The following CCDC12 variants were observed in gnomAD, a reference collection of about 807,000 sequenced individuals.
CCDC12 encodes coiled-coil domain-containing protein 12.
A neutral mutation model predicts 25.7 loss-of-function variants in CCDC12; 28 were observed. That is an observed-to-expected ratio of 1.09 (90% confidence interval 0.81 to 1.50). CCDC12 has a LOEUF of 1.50. Among genes scored for constraint, CCDC12 ranks in the 40% most tolerant of loss-of-function variants. The pLI, the probability that CCDC12 is intolerant of heterozygous loss-of-function variation, is 0.00. For synonymous variants in CCDC12, 75 were observed against 87.7 expected, an observed-to-expected ratio of 0.86 and a Z score of 0.81; for missense variants, 198 against 210.0, an observed-to-expected ratio of 0.94 and a Z score of 0.35.
At chr3:46,922,512 G>A (rs909975846) in intron 5 of CCDC12, 200 bp from the exon 6 acceptor site, 16 of 616,692 alleles carry the variant, frequency 2.6e-5, no homozygotes, top group Middle Eastern at 8.6e-4. Flanking sequence ...TCCCACTGAG[G>A]CAGGGGGACT....
At chr3:46,933,587 G>A (rs1468864606) in intron 2 of CCDC12, among the ~76,000 whole-genome samples, 1 of 152,092 alleles carries the variant, frequency 6.6e-6, no homozygotes, top group African/African-American at 2.4e-5. Flanking sequence ...CATCCCAGAC[G>A]CTGCAGAACC....
chr3:46,948,324 G>A (rs2033984201), intron 1 of CCDC12, among the ~76,000 whole-genome samples: 1 of 152,242 alleles, frequency 6.6e-6, no homozygotes, highest in Non-Finnish European at 1.5e-5. Flanking sequence ...CTTCTGAGCA[G>A]AGCAAGAACA....
intron 2 of CCDC12, among the ~76,000 whole-genome samples, chr3:46,937,079 G>C (rs1473456801): frequency 6.6e-6 from 1 of 152,184 alleles, no homozygotes; most frequent in Non-Finnish European, 1.5e-5. Context: ...CATCCAGGTT[G>C]GGCCCTTGGT....
chr3:46,936,692 GT>G (rs1189719480), intron 2 of CCDC12, among the ~76,000 whole-genome samples: 1 of 151,956 alleles, frequency 6.6e-6, no homozygotes, highest in Non-Finnish European at 1.5e-5. Context: ...TTCTCAACAT[GT>G]GTTCTTCCCC....
intron 1 of CCDC12, among the ~76,000 whole-genome samples, chr3:46,962,415 CA>C: frequency 1.7e-5 from 1 of 59,442 alleles, no homozygotes; most frequent in South Asian, 5.3e-4. Context: ...GCCTGGGTAA[CA>C]AGAGCAAAAC....
chr3:46,921,766 AT>A lies in CCDC12; in HGVS notation c.*290del, dbSNP rs996381057. The A allele has an allele frequency of 8.9e-4, 359 of 402,160 alleles. No homozygotes were observed. Among genetic ancestry groups the A allele is most frequent in the Non-Finnish European group, 1.1e-3 (250 of 223,800 alleles). 24.9% of individuals were successfully genotyped at this position (402,160 alleles called of 1,614,324 possible). A position where few individuals can be genotyped will look rare whatever the true frequency, so the allele number is the denominator to read the frequency against. On this transcript the variant is annotated 3_prime_UTR_variant, in exon 7 of 7. Coordinates refer to ENST00000683445, the MANE Select transcript of CCDC12 (RefSeq NM_001277074.2). ...GGGGTTTACTTGTTTCTATTTCCAG[AT>A]TTTTTTTTAGAAAGTTCAAAATATA...
intron 2 of CCDC12, among the ~76,000 whole-genome samples, chr3:46,938,444 C>T (rs1339631256): frequency 2.0e-5 from 3 of 151,060 alleles, no homozygotes; most frequent in Non-Finnish European, 4.4e-5. Context: ...AATAACCTAA[C>T]ACATATACTC....
chr3:46,969,956 G>C, intron 1 of CCDC12, among the ~76,000 whole-genome samples: 1 of 147,296 alleles, frequency 6.8e-6, no homozygotes, highest in Admixed American at 6.9e-5. Context: ...GGGCTGGGGT[G>C]CAGTGACGTG....
intron 1 of CCDC12, among the ~76,000 whole-genome samples, chr3:46,951,798 A>AAAAAAAAAAAAAAAAAAATATAT: frequency 8.3e-4 from 7 of 8,466 alleles, no homozygotes; most frequent in South Asian, 0.019. Context: ...AAAAAAAAAA[A>AAAAAAAAAAAAAAAAAAATATAT]ATATATATAT....
chr3:46,925,765 G>T (rs532963236), intron 2 of CCDC12, among the ~76,000 whole-genome samples: 1 of 152,244 alleles, frequency 6.6e-6, no homozygotes, highest in Non-Finnish European at 1.5e-5. Context: ...TGTCTACTCT[G>T]TTGGAGTACG....
chr3:46,961,758 G>GCTA (rs1445076972), intron 1 of CCDC12, among the ~76,000 whole-genome samples: 4 of 152,004 alleles, frequency 2.6e-5, no homozygotes, highest in East Asian at 1.9e-4. Flanking sequence ...AGCTACCACT[G>GCTA]CTACTACTAC....
At chr3:46,965,083 G>T (rs2034600693) in intron 1 of CCDC12, among the ~76,000 whole-genome samples, 1 of 152,280 alleles carries the variant, frequency 6.6e-6, no homozygotes, top group African/African-American at 2.4e-5. Context: ...CCAGAAGACA[G>T]CTACTTGGAC....
chr3:46,965,045 A>T (rs150257488), intron 1 of CCDC12, among the ~76,000 whole-genome samples: 1 of 152,282 alleles, frequency 6.6e-6, no homozygotes, highest in East Asian at 1.9e-4. Flanking sequence ...AGTCCTCCAA[A>T]GAGAAGATTA....
intron 1 of CCDC12, among the ~76,000 whole-genome samples, chr3:46,962,020 T>C (rs1480786510): frequency 6.6e-6 from 1 of 152,166 alleles, no homozygotes; most frequent in African/African-American, 2.4e-5. Flanking sequence ...TTCTAGATTA[T>C]AACATAAAAG....
intron 2 of CCDC12, among the ~76,000 whole-genome samples, chr3:46,926,755 C>T (rs2032977788): frequency 6.6e-6 from 1 of 152,154 alleles, no homozygotes; most frequent in Admixed American, 6.5e-5. Context: ...TGAGACTAGG[C>T]CGCAGGTCCT....
chr3:46,931,638 G>C (rs531699200), intron 2 of CCDC12, among the ~76,000 whole-genome samples: 1 of 152,332 alleles, frequency 6.6e-6, no homozygotes, highest in South Asian at 2.1e-4. Context: ...GATAAGGACA[G>C]GACAGTCCCA....
chr3:46,972,178 G>A (rs572797899), intron 1 of CCDC12, among the ~76,000 whole-genome samples: 2 of 152,320 alleles, frequency 1.3e-5, no homozygotes, highest in African/African-American at 4.8e-5. Context: ...CGCAGCAAAT[G>A]AGACTATCCA....
chr3:46,941,867 T>C (rs1322111276), intron 1 of CCDC12, among the ~76,000 whole-genome samples: 1 of 152,204 alleles, frequency 6.6e-6, no homozygotes, highest in East Asian at 1.9e-4. Flanking sequence ...ACCTATTTGA[T>C]TCGCTTTAGA....
intron 1 of CCDC12, among the ~76,000 whole-genome samples, chr3:46,951,806 T>TAG (rs2034135656): frequency 2.9e-5 from 1 of 34,552 alleles, no homozygotes; most frequent in Non-Finnish European, 5.7e-5. Flanking sequence ...AAAATATATA[T>TAG]ATATATATAT....
Sources: allele counts gnomAD v4.1 joint callset (sites outside exome capture counted in the v4.1 genomes callset), GRCh38; gene constraint gnomAD v4.1.1; transcripts MANE v1.5; gene names NCBI Gene and HGNC (gene_info 2026-07-23, HGNC 2026-07-21).